Variants in SKOR2 observed in about 807,000 individuals in gnomAD.
SKOR2 encodes the protein LBX1 corepressor 1-like protein.
SKOR2 carries 47 observed loss-of-function variants against 69.1 expected under a neutral mutation model. That is an observed-to-expected ratio of 0.68 (90% CI 0.54 to 0.87). The LOEUF (loss-of-function observed/expected upper bound fraction) is 0.87, where lower values mean the gene tolerates loss of function less well. SKOR2 is among the 40% of genes least tolerant of loss of function. The probability of loss-of-function intolerance (pLI) is 0.00; values close to 1 mark genes in which losing one functional copy is unlikely to be tolerated. For missense variants in SKOR2, 1,404 were observed against 1,472.2 expected, an observed-to-expected ratio of 0.95 and a Z score of 0.76; for synonymous variants, 717 against 672.6, an observed-to-expected ratio of 1.07 and a Z score of -1.02.
intron 7 of SKOR2, among the ~76,000 whole-genome samples, chr18:47,216,752 T>C (rs915383160): frequency 6.6e-6 from 1 of 152,162 alleles, no homozygotes; most frequent in Non-Finnish European, 1.5e-5. Context: ...GGTTTTAATA[T>C]ATTTGAATTC....
chr18:47,241,850 T>C (rs1239908248), intron 4 of SKOR2, among the ~76,000 whole-genome samples: 1 of 152,174 alleles, frequency 6.6e-6, no homozygotes, highest in Non-Finnish European at 1.5e-5. Flanking sequence ...AACTGTGATA[T>C]GGAAAAATCA....
chr18:47,225,455 C>A, intron 6 of SKOR2, among the ~76,000 whole-genome samples: 1 of 152,164 alleles, frequency 6.6e-6, no homozygotes, highest in East Asian at 1.9e-4. Context: ...CCCCAATGTT[C>A]CTATCAATCA....
intron 4 of SKOR2, among the ~76,000 whole-genome samples, chr18:47,233,721 A>G (rs765982250): frequency 6.6e-6 from 1 of 152,270 alleles, no homozygotes; most frequent in Non-Finnish European, 1.5e-5. Flanking sequence ...TTGACTCATT[A>G]GTATATTTTG....
Position 47,207,814 on chromosome 18 carries a change from G to A in SKOR2, c.*4-922C>T, listed in dbSNP as rs777456649. ...GAAACAAAAATGAGTTTACCAAAGA[G>A]GTAGATATAGTTAAAATACCAACAA... is the stretch of plus-strand genomic sequence containing the variant. On this transcript the variant is annotated intron_variant, in intron 8 of 8. Transcript: ENST00000425639. Among the ~76,000 whole-genome samples, 29 of 152,098 alleles carry A rather than the reference G, an allele frequency of 1.9e-4. 1 individual carries two copies. Among genetic ancestry groups the A allele is most frequent in the Admixed American group, 9.2e-4 (14 of 15,248 alleles).
chr18:47,235,893 A>C (rs1951544123), intron 4 of SKOR2, among the ~76,000 whole-genome samples: 1 of 152,002 alleles, frequency 6.6e-6, no homozygotes, highest in South Asian at 2.1e-4. Flanking sequence ...AAGAACCTGC[A>C]ATGGCTCCCT....
At chr18:47,245,616 A>G (rs1045070868) in intron 2 of SKOR2, 55 bp from the exon 3 acceptor site, 3 of 1,437,568 alleles carry the variant, frequency 2.1e-6, no homozygotes, top group South Asian at 2.7e-5. Flanking sequence ...ACCATATGCT[A>G]ATGTCAACAG....
At chr18:47,217,104 C>A (rs1600025945) in intron 7 of SKOR2, among the ~76,000 whole-genome samples, 1 of 152,168 alleles carries the variant, frequency 6.6e-6, no homozygotes, top group East Asian at 1.9e-4. Flanking sequence ...AATTCTAAAG[C>A]AGATAGTACC....
intron 4 of SKOR2, among the ~76,000 whole-genome samples, chr18:47,238,196 A>T (rs150963959): frequency 3.4e-4 from 51 of 152,034 alleles, no homozygotes; most frequent in African/African-American, 1.2e-3. Flanking sequence ...TTTTGTTTTG[A>T]TTTTTTTTAA....
chr18:47,249,085 G>A lies in SKOR2; in HGVS notation c.99C>T (p.His33=), dbSNP rs1172151800. The change falls in exon 2 of 9, where the codon CAC becomes CAT. Residue 33 remains histidine, a synonymous_variant. Transcript: ENST00000425639. ...PDTLSQPRPG[H]ANLKPNQVGQ... is the part of the protein sequence containing the mutation. ...CCACCTGGTTGGGTTTGAGGTTGGCGTGCCCTGGCCGCGGCTGGCTCAGCG... is the reference window on the plus strand; with the variant it reads ...CCACCTGGTTGGGTTTGAGGTTGGCATGCCCTGGCCGCGGCTGGCTCAGCG... 4 of 1,536,470 alleles carry A rather than the reference G, an allele frequency of 2.6e-6. No individual in the cohort carries two copies. Among genetic ancestry groups the A allele is most frequent in the Non-Finnish European group, 3.5e-6 (4 of 1,146,952 alleles).
chr18:47,229,461 C>T (rs990273594), intron 6 of SKOR2, among the ~76,000 whole-genome samples: 4 of 152,076 alleles, frequency 2.6e-5, no homozygotes, highest in Non-Finnish European at 5.9e-5. Context: ...CGAGACCTGC[C>T]TGACCAATAT....
Position 47,248,134 on chromosome 18 carries a change from G to A in SKOR2, c.1050C>T (p.Gly350=). 4 of 1,277,892 alleles carry A rather than the reference G, an allele frequency of 3.1e-6. No individual in the cohort carries two copies. Among genetic ancestry groups the A allele is most frequent in the South Asian group, 2.9e-5 (1 of 34,918 alleles). 79.2% of individuals were successfully genotyped at this position (1,277,892 alleles called of 1,614,324 possible). The stretch of plus-strand genomic sequence containing the variant: ...CGGCCACACAGCCACCCCCAGCGCC[G>A]CCCCCACCAGTCCCCGCGCCGCCCG... ...AASGGAGTGG[G]GAGGGCVAGV... Residue 350 remains glycine, a synonymous_variant, in exon 2 of 9, where the codon GGC becomes GGT. Transcript: ENST00000425639. This position sits in a 1 kb window ranked among gnomAD's most constrained non-coding sequence, Gnocchi z 6.4.
At position 47,245,497 on chromosome 18, in the gene SKOR2, C is replaced by CTTTTTTTTTTTTTTTTTTTT. The variant is rs2064268626; in HGVS notation, c.2677_2677+1insAAAAAAAAAAAAAAAAAAAA (p.Asp893GlufsTer45). ...CAGCTGATTTTTTTTTTTTTTTTTACCTGAAAAGCTGTTGTCATCCTTTGT... is the reference window on the plus strand; with the variant it reads ...CAGCTGATTTTTTTTTTTTTTTTTACTTTTTTTTTTTTTTTTTTTTCTGAAAAGCTGTTGTCATCCTTTGT... On this transcript the variant is annotated frameshift_variant and splice_region_variant. Coordinates refer to ENST00000425639, the MANE Select transcript of SKOR2 (RefSeq NM_001278063.4). LOFTEE classifies it high-confidence loss of function. 1.4e-6 allele frequency: 1 copy of CTTTTTTTTTTTTTTTTTTTT among 727,628 alleles called. No homozygotes were observed. The highest frequency in any genetic ancestry group is 6.6e-5 in the African/African-American group (1 of 15,254). The allele number at this position is 727,628 out of a possible 1,614,324, so 45.1% of individuals were successfully genotyped here.
intron 6 of SKOR2, among the ~76,000 whole-genome samples, chr18:47,221,146 G>C (rs773419218): frequency 3.4e-4 from 52 of 152,198 alleles, no homozygotes; most frequent in Admixed American, 1.6e-3. Flanking sequence ...GAGATGAAAA[G>C]GCTTTGTTCT....
At position 47,211,089 on chromosome 18, in the gene SKOR2, A is replaced by G. The variant is rs192026305; in HGVS notation, c.*3+997T>C. Reference sequence around the variant, plus strand: ...GATAATGGCAAGAAAAGTCATTTGTACCTGATAGAGGAAATTTGTGATAGG... The same window carrying G: ...GATAATGGCAAGAAAAGTCATTTGTGCCTGATAGAGGAAATTTGTGATAGG... On this transcript the variant is annotated intron_variant, in intron 8 of 8. Transcript: ENST00000425639. 8.2e-4 allele frequency among the ~76,000 whole-genome samples: 125 copies of G among 152,346 alleles called. 1 individual carries two copies. The highest frequency in any genetic ancestry group is 1.4e-3 in the Non-Finnish European group (98 of 68,032).
intron 4 of SKOR2, among the ~76,000 whole-genome samples, chr18:47,243,150 A>C (rs1202428665): frequency 6.6e-6 from 1 of 152,304 alleles, no homozygotes; most frequent in Admixed American, 6.5e-5. Flanking sequence ...AGGAATGGGA[A>C]TTCTCTAAGT....
rs1262442918 is a variant in SKOR2 at position 47,248,370 on chromosome 18, C to T, written c.814G>A (p.Gly272Arg). ...TGGGGGCCCAGCAGACCCCCGCCTC[C>T]GGCCACCGCGGCCGCGGCGGCCACG... ...AAVAAAAAVA[G>R]GGGLLGPHLL... The change falls in exon 2 of 9, where the codon GGA becomes AGA. Residue 272 changes from glycine (G) to arginine (R), a missense_variant. By Grantham distance (125) the Gly-to-Arg change is moderately radical. Coordinates refer to ENST00000425639, the MANE Select transcript of SKOR2 (RefSeq NM_001278063.4). This position sits in a 1 kb window ranked among gnomAD's most constrained non-coding sequence, Gnocchi z 6.4. The T allele has an allele frequency of 9.3e-6, 12 of 1,288,496 alleles. 1 individual carries two copies. Among genetic ancestry groups the T allele is most frequent in the South Asian group, 5.0e-5 (2 of 39,886 alleles). The allele number at this position is 1,288,496 out of a possible 1,614,324, so 79.8% of individuals were successfully genotyped here.
chr18:47,233,347 C>A (rs2064207421), intron 4 of SKOR2, among the ~76,000 whole-genome samples: 1 of 152,152 alleles, frequency 6.6e-6, no homozygotes, highest in Admixed American at 6.5e-5. Context: ...TAAATATAGA[C>A]CTCAATGCAA....
chr18:47,230,585 C>A, intron 5 of SKOR2, 28 bp from the exon 6 acceptor site: 1 of 1,305,038 alleles, frequency 7.7e-7, no homozygotes, highest in South Asian at 1.9e-5. Context: ...AGTCATTTTA[C>A]TAATCTTTAC....
chr18:47,225,923 T>C (rs2064177228), intron 6 of SKOR2, among the ~76,000 whole-genome samples: 2 of 152,160 alleles, frequency 1.3e-5, no homozygotes, highest in South Asian at 4.1e-4. Flanking sequence ...AGATATACCA[T>C]GATACACAGT....
Sources: gnomAD v4.1 joint callset for allele counts (sites outside exome capture counted in the v4.1 genomes callset) on GRCh38, gnomAD v4.1.1 for gene constraint, Gnocchi (gnomAD v3.1) non-coding constraint, MANE v1.5 for transcripts, NCBI Gene and HGNC (gene_info 2026-07-23, HGNC 2026-07-21) for gene names.